The following MED12L variants were observed in gnomAD, a reference collection of about 807,000 sequenced individuals.
MED12L encodes mediator complex subunit 12L.
MED12L carries 60 observed loss-of-function variants against 281.3 expected under a neutral mutation model. The observed-to-expected ratio is 0.21, with a 90% confidence interval of 0.17 to 0.26. MED12L has a LOEUF of 0.26. Ranked by LOEUF, MED12L falls within the 10% of genes least tolerant of loss-of-function variation. The pLI is 1.00. For missense variants in MED12L, 2,146 were observed against 2,680.9 expected, an observed-to-expected ratio of 0.80 and a Z score of 4.41; for synonymous variants, 974 against 987.2, an observed-to-expected ratio of 0.99 and a Z score of 0.25.
chr3:151,409,592 A>G (rs371361561), intron 40 of MED12L, among the ~76,000 whole-genome samples: 24 of 152,346 alleles, frequency 1.6e-4, no homozygotes, highest in Admixed American at 9.8e-4. Context: ...GATTATAGAT[A>G]TTGAAATACT....
At position 151,377,047 on chromosome 3, in the gene MED12L, A is replaced by G; in HGVS notation, c.4185A>G (p.Thr1395=). 1.2e-6 allele frequency: 2 copies of G among 1,614,120 alleles called. No individual in the cohort carries two copies. The highest frequency in any genetic ancestry group is 1.7e-6 in the Non-Finnish European group (2 of 1,179,966). The change falls in exon 30 of 45, where the codon ACA becomes ACG. Residue 1395 remains threonine (T), a synonymous_variant. Transcript: ENST00000687756. ...TACTGGACAATATTGCAAAGGCAAC[A>G]ATAGAGGTATTCCAGCAGTCTGCAG... is the stretch of plus-strand genomic sequence containing the variant. ...NNLLDNIAKA[T]IEVFQQSADL...
rs756809862 is a variant in MED12L at position 151,190,915 on chromosome 3, A to G, written c.1952A>G (p.His651Arg). The change falls in exon 14 of 45, where the codon CAT becomes CGT. Residue 651 changes from histidine to arginine, a missense_variant. Transcript: ENST00000687756. ...ENADEHYSKD[H>R]DVKMEEQSIM... is the part of the protein sequence containing the mutation. ...GCAGATGAACACTATTCAAAGGACCATGATGTGAAAATGGAGGTATGGCCC... is the reference window on the plus strand; with the variant it reads ...GCAGATGAACACTATTCAAAGGACCGTGATGTGAAAATGGAGGTATGGCCC... The G allele has an allele frequency of 1.2e-6, 2 of 1,614,136 alleles. No individual in the cohort carries two copies. The highest frequency in any genetic ancestry group is 1.7e-5 in the Admixed American group (1 of 60,010).
intron 16 of MED12L, among the ~76,000 whole-genome samples, chr3:151,199,671 G>A (rs1302290248): frequency 6.6e-6 from 1 of 151,724 alleles, no homozygotes; most frequent in Non-Finnish European, 1.5e-5. Context: ...TTTTGGTAGG[G>A]ATATTTTCAA....
At chr3:151,374,381 C>T (rs1186791627) in intron 27 of MED12L, among the ~76,000 whole-genome samples, 1 of 152,094 alleles carries the variant, frequency 6.6e-6, no homozygotes, top group African/African-American at 2.4e-5. Context: ...AACCCCATCT[C>T]TACTAAAAAT....
chr3:151,198,725 G>T, intron 16 of MED12L: 1 of 1,612,904 alleles, frequency 6.2e-7, no homozygotes, highest in Non-Finnish European at 8.5e-7. Context: ...GTTGATGAGA[G>T]CCTTTTTCAC....
chr3:151,194,639 T>C (rs1323670606), intron 16 of MED12L, among the ~76,000 whole-genome samples: 1 of 152,176 alleles, frequency 6.6e-6, no homozygotes, highest in Non-Finnish European at 1.5e-5. Flanking sequence ...TTAAGAATTG[T>C]ATAGCAAATG....
chr3:151,117,268 C>A lies in MED12L; in HGVS notation c.204+826C>A, dbSNP rs577479219. 3.4e-4 allele frequency among the ~76,000 whole-genome samples: 51 copies of A among 152,236 alleles called. No homozygotes were observed. The South Asian group carries it at 0.01, about 31-fold the overall frequency. On this transcript the variant is annotated intron_variant, in intron 3 of 44. Coordinates refer to ENST00000687756, the MANE Select transcript of MED12L (RefSeq NM_001393769.1). ...TTTCATGTTCTGCCAGTAGGGGCCC[C>A]GCTAACCTGGCTGCTGGTTAAATGT...
At chr3:151,227,380 C>T (rs1384374650) in intron 16 of MED12L, among the ~76,000 whole-genome samples, 1 of 152,200 alleles carries the variant, frequency 6.6e-6, no homozygotes, top group African/African-American at 2.4e-5. Flanking sequence ...ATTTCTGCTA[C>T]AAACAGATCC....
In MED12L at chr3:151,364,966, C is replaced by T. The variant is rs1473296828; in HGVS notation, c.2958-13C>T. The T allele has an allele frequency of 1.3e-6, 2 of 1,586,164 alleles. No individual in the cohort carries two copies. Among genetic ancestry groups the T allele is most frequent in the African/African-American group, 1.3e-5 (1 of 74,086 alleles). On this transcript the variant is annotated splice_polypyrimidine_tract_variant and intron_variant, in intron 21 of 44. Transcript: ENST00000687756. ...TTATTTTTCTGTTTTAACTTTTTTT[C>T]TTATAACCTCAGTAGTGCCTGTTCA...
chr3:151,228,940 G>A (rs1392337301), intron 16 of MED12L, among the ~76,000 whole-genome samples: 1 of 152,160 alleles, frequency 6.6e-6, no homozygotes, highest in Non-Finnish European at 1.5e-5. Flanking sequence ...GATGGTATTT[G>A]CATTTCTCAG....
intron 16 of MED12L, chr3:151,300,342 G>A (rs1745732932): frequency 1.7e-6 from 1 of 577,018 alleles, no homozygotes; most frequent in Admixed American, 3.0e-5. Context: ...GCCACACAGA[G>A]TTGCCCTCTT....
chr3:151,382,545 G>A (rs549978009), intron 32 of MED12L, 111 bp from the exon 33 acceptor site: 2 of 586,928 alleles, frequency 3.4e-6, no homozygotes, highest in Admixed American at 3.9e-5. Flanking sequence ...AGCTTTGTTT[G>A]TTAATTTGTT....
At chr3:151,149,590 G>A (rs1576831478) in intron 5 of MED12L, among the ~76,000 whole-genome samples, 1 of 152,138 alleles carries the variant, frequency 6.6e-6, no homozygotes, top group African/African-American at 2.4e-5. Flanking sequence ...GGGGGTGGAT[G>A]TAGCAATTTA....
At chr3:151,410,218 T>G (rs1560135883) in intron 40 of MED12L, among the ~76,000 whole-genome samples, 1 of 152,236 alleles carries the variant, frequency 6.6e-6, no homozygotes. Context: ...CACAATATAA[T>G]GCAAATCTTG....
chr3:151,162,900 CTGGT>C (rs1467422451), intron 8 of MED12L, among the ~76,000 whole-genome samples: 1 of 152,118 alleles, frequency 6.6e-6, no homozygotes, highest in African/African-American at 2.4e-5. Context: ...TTCCCCGTGT[CTGGT>C]TGGGGAGTAA....
chr3:151,314,297 A>G (rs953359365), intron 16 of MED12L, among the ~76,000 whole-genome samples: 2 of 152,216 alleles, frequency 1.3e-5, no homozygotes, highest in African/African-American at 4.8e-5. Context: ...ATAGAGAACA[A>G]ATATTCTATT....
At chr3:151,094,872 G>T (rs1334214933) in intron 2 of MED12L, among the ~76,000 whole-genome samples, 4 of 152,178 alleles carry the variant, frequency 2.6e-5, no homozygotes, top group Non-Finnish European at 5.9e-5. Flanking sequence ...TTAGAGAAAT[G>T]GGTTTCTGTT....
At chr3:151,247,668 G>A (rs1271399883) in intron 16 of MED12L, among the ~76,000 whole-genome samples, 13 of 145,376 alleles carry the variant, frequency 8.9e-5, no homozygotes, top group Non-Finnish European at 1.1e-4. Flanking sequence ...GCTAGATGAC[G>A]AGTTAGTGGG....
intron 11 of MED12L, among the ~76,000 whole-genome samples, chr3:151,170,433 G>A (rs536004937): frequency 6.6e-6 from 1 of 151,862 alleles, no homozygotes; most frequent in East Asian, 1.9e-4. Context: ...CTGCCACCAT[G>A]CCCGGCTAAT....
Sources: gnomAD v4.1 joint callset for allele counts (sites outside exome capture counted in the v4.1 genomes callset) on GRCh38, gnomAD v4.1.1 for gene constraint, MANE v1.5 for transcripts, NCBI Gene and HGNC (gene_info 2026-07-23, HGNC 2026-07-21) for gene names.